MRPS6: variants seen among roughly 807,000 people sequenced by gnomAD.
The protein encoded by MRPS6 is small ribosomal subunit protein bS6m.
Under a neutral mutation model 13.1 loss-of-function variants are expected in MRPS6, and 6 were observed. The observed-to-expected ratio is 0.46, with a 90% CI of 0.25 to 0.91. The LOEUF (loss-of-function observed/expected upper bound fraction) is 0.91. MRPS6 is among the 40% of genes least tolerant of loss of function. The pLI, the probability that MRPS6 is intolerant of heterozygous loss-of-function variation, is 0.18. For synonymous variants in MRPS6, 61 were observed against 56.5 expected, an observed-to-expected ratio of 1.08 and a Z score of -0.36; for missense variants, 164 against 155.6, an observed-to-expected ratio of 1.05 and a Z score of -0.29.
chr21:34,139,537 T>G (rs1980836550), intron 2 of MRPS6, among the ~76,000 whole-genome samples: 1 of 152,194 alleles, frequency 6.6e-6, no homozygotes, highest in Non-Finnish European at 1.5e-5. Context: ...TTTGGTAGTC[T>G]GTGTTTTTCA....
intron 1 of MRPS6, chr21:34,101,961 A>G: frequency 1.0e-6 from 1 of 1,000,242 alleles, no homozygotes; most frequent in Non-Finnish European, 1.2e-6. Context: ...TTGATGCCAA[A>G]AAGGTTTTTT....
intron 1 of MRPS6, chr21:34,102,637 G>C (rs1979298570): frequency 5.0e-6 from 5 of 1,000,108 alleles, no homozygotes; most frequent in Non-Finnish European, 6.0e-6. Flanking sequence ...CTTAAATTTG[G>C]TTACCTGGGT....
chr21:34,090,924 C>T (rs75552148), intron 1 of MRPS6, among the ~76,000 whole-genome samples: 293 of 152,322 alleles, frequency 1.9e-3, no homozygotes, highest in African/African-American at 6.5e-3. Flanking sequence ...TCCCTTCTTA[C>T]AGAATCATGA....
At chr21:34,073,810 T>TC in intron 1 of MRPS6, 65 bp downstream of exon 1, 2 of 1,238,472 alleles carry the variant, frequency 1.6e-6, no homozygotes, top group Non-Finnish European at 1.1e-6. Flanking sequence ...TAGGCCGCCG[T>TC]CCCCCGCGCG....
At chr21:34,122,999 A>T (rs756895045) in intron 1 of MRPS6, 28 of 152,186 alleles carry the variant, frequency 1.8e-4, no homozygotes, top group Non-Finnish European at 2.6e-4. Flanking sequence ...CTTTTTACCT[A>T]CTGTTAATGG....
intron 1 of MRPS6, chr21:34,124,289 A>G (rs1236605964): frequency 1.3e-5 from 2 of 152,150 alleles, no homozygotes; most frequent in African/African-American, 2.4e-5. Flanking sequence ...CAGCCACCAG[A>G]TTGTGGTGCC....
At chr21:34,125,556 G>A in intron 2 of MRPS6, 76 bp downstream of exon 2, 1 of 1,555,180 alleles carries the variant, frequency 6.4e-7, no homozygotes, top group East Asian at 2.3e-5. Context: ...ACTATTAGAA[G>A]TTCTTAAAAT....
At chr21:34,073,884 G>GGCGGGCGTCC (rs1352271717) in intron 1 of MRPS6, 139 bp downstream of exon 1, 1 of 329,002 alleles carries the variant, frequency 3.0e-6, no homozygotes, top group Non-Finnish European at 4.4e-6. Flanking sequence ...GCGGGCGGGC[G>GGCGGGCGTCC]GCGGGCGTCC....
intron 2 of MRPS6, among the ~76,000 whole-genome samples, chr21:34,139,803 C>G (rs1209423035): frequency 6.6e-6 from 1 of 152,164 alleles, no homozygotes; most frequent in African/African-American, 2.4e-5. Context: ...TTCTCAGACT[C>G]CTGGTGTCAA....
intron 1 of MRPS6, among the ~76,000 whole-genome samples, chr21:34,085,219 G>A (rs1273935987): frequency 2.0e-5 from 3 of 152,146 alleles, no homozygotes; most frequent in African/African-American, 7.2e-5. Context: ...TTGGAGTCCA[G>A]GCCTACTGTT....
At chr21:34,105,731 CTGT>C in intron 1 of MRPS6, 1 of 997,902 alleles carries the variant, frequency 1.0e-6, no homozygotes, top group South Asian at 4.7e-5. Context: ...AGTTTACCTT[CTGT>C]TGTCTACAGC....
intron 1 of MRPS6, among the ~76,000 whole-genome samples, chr21:34,090,470 ATAGT>A (rs1171898310): frequency 2.0e-5 from 3 of 152,210 alleles, no homozygotes; most frequent in Non-Finnish European, 4.4e-5. Context: ...GTAGGAGCTA[ATAGT>A]TGATGAGACA....
chr21:34,088,985 T>A (rs1276274542), intron 1 of MRPS6, among the ~76,000 whole-genome samples: 2 of 152,168 alleles, frequency 1.3e-5, no homozygotes, highest in Non-Finnish European at 2.9e-5. Flanking sequence ...CACAAATGTT[T>A]GGTTAAGATT....
intron 1 of MRPS6, chr21:34,098,379 T>C: frequency 1.0e-6 from 1 of 1,000,314 alleles, no homozygotes; most frequent in Non-Finnish European, 1.2e-6. Flanking sequence ...TCTACTTGAT[T>C]AGATCATGAT....
intron 1 of MRPS6, among the ~76,000 whole-genome samples, chr21:34,117,896 C>T (rs1279870810): frequency 6.6e-6 from 1 of 152,090 alleles, no homozygotes; most frequent in Non-Finnish European, 1.5e-5. Context: ...AACTGTTTCT[C>T]AGAAAGATGA....
At chr21:34,090,193 GTTA>G (rs1229962693) in intron 1 of MRPS6, among the ~76,000 whole-genome samples, 1 of 152,234 alleles carries the variant, frequency 6.6e-6, no homozygotes, top group Non-Finnish European at 1.5e-5. Flanking sequence ...GTTCAGGCCA[GTTA>G]TATTAGGAAA....
chr21:34,092,538 G>GAGTT (rs1186155095), intron 1 of MRPS6, among the ~76,000 whole-genome samples: 1 of 152,174 alleles, frequency 6.6e-6, no homozygotes, highest in Non-Finnish European at 1.5e-5. Flanking sequence ...GAGAAGTTAG[G>GAGTT]AGTTAGGGCT....
chr21:34,088,828 G>C (rs1418757086), intron 1 of MRPS6, among the ~76,000 whole-genome samples: 3 of 151,704 alleles, frequency 2.0e-5, no homozygotes, highest in Non-Finnish European at 4.4e-5. Flanking sequence ...CATAAAACTA[G>C]ACACAGTACC....
chr21:34,089,780 C>G (rs1978589373), intron 1 of MRPS6, among the ~76,000 whole-genome samples: 2 of 152,134 alleles, frequency 1.3e-5, no homozygotes. Flanking sequence ...ACAGCTTCAG[C>G]ACCATTTGAG....
Sources: gnomAD v4.1 joint callset for allele counts (sites outside exome capture counted in the v4.1 genomes callset) on GRCh38, gnomAD v4.1.1 for gene constraint, MANE v1.5 for transcripts, NCBI Gene and HGNC (gene_info 2026-07-23, HGNC 2026-07-21) for gene names.